PNLIPRP1: variants seen among roughly 807,000 people sequenced by gnomAD.
The protein encoded by PNLIPRP1 is inactive pancreatic lipase-related protein 1.
In PNLIPRP1, 57 loss-of-function variants were observed where a neutral mutation model predicts 54.6. The ratio of observed to expected loss-of-function variants is 1.04; its 90% CI spans 0.84 to 1.30. PNLIPRP1 has a LOEUF of 1.30. PNLIPRP1 is among the 50% of genes most tolerant of loss of function. The probability of loss-of-function intolerance (pLI) is 0.00; values close to 1 mark genes in which losing one functional copy is unlikely to be tolerated. For missense variants in PNLIPRP1, 567 were observed against 568.5 expected, an observed-to-expected ratio of 1.00 and a Z score of 0.03; for synonymous variants, 232 against 208.8, an observed-to-expected ratio of 1.11 and a Z score of -0.96.
At chr10:116,601,368 CAG>C (rs1429451009) in intron 10 of PNLIPRP1, among the ~76,000 whole-genome samples, 167 bp downstream of exon 10, 1 of 152,256 alleles carries the variant, frequency 6.6e-6, no homozygotes, top group Middle Eastern at 3.4e-3. Flanking sequence ...AGGATTTAGA[CAG>C]AGTGTGCATT....
In PNLIPRP1 at chr10:116,590,996, G is replaced by T; in HGVS notation, c.-1+1G>T. On this transcript the variant is annotated splice_donor_variant, in intron 1 of 12. Coordinates refer to ENST00000358834, the MANE Select transcript of PNLIPRP1 (RefSeq NM_006229.4). LOFTEE classifies it low-confidence loss of function (5UTR_SPLICE). ...GGGAACATCTGGAACATTAGACAGG[G>T]TAAGCCACCTTTGCAACTCCTTTCC... 1 of 660,254 alleles carries T rather than the reference G, an allele frequency of 1.5e-6. No homozygotes were observed. Among genetic ancestry groups the T allele is most frequent in the Non-Finnish European group, 2.7e-6 (1 of 367,818 alleles). 40.9% of individuals were successfully genotyped at this position (660,254 alleles called of 1,614,324 possible).
Position 116,593,776 on chromosome 10 carries a change from G to C in PNLIPRP1, c.331-954G>C, listed in dbSNP as rs184338868. ...AGTTCAAGACCAGCGTAGCCAACAT[G>C]GTGAAACCCTGTCTCTACTAAAAGT... On this transcript the variant is annotated intron_variant, in intron 4 of 12. Transcript: ENST00000358834. 2.1e-3 allele frequency: 328 copies of C among 152,688 alleles called. 2 individuals are homozygous for C. Among genetic ancestry groups the C allele is most frequent in the Admixed American group, 5.7e-3 (87 of 15,292 alleles). 9.5% of individuals were successfully genotyped at this position (152,688 alleles called of 1,614,324 possible).
At chr10:116,605,345 C>T (rs1847919013) in intron 11 of PNLIPRP1, 41 bp from the exon 12 acceptor site, 1 of 1,294,344 alleles carries the variant, frequency 7.7e-7, no homozygotes, top group Non-Finnish European at 1.1e-6. Context: ...AATTAGAACT[C>T]ATTTCCGTGA....
intron 6 of PNLIPRP1, among the ~76,000 whole-genome samples, chr10:116,597,096 T>A (rs1235562972): frequency 6.6e-6 from 1 of 152,172 alleles, no homozygotes; most frequent in Non-Finnish European, 1.5e-5. Context: ...ATAAGAAATC[T>A]CTCTTTTATT....
intron 3 of PNLIPRP1, 90 bp from the exon 4 acceptor site, chr10:116,592,326 T>C (rs2133226174): frequency 3.5e-6 from 5 of 1,429,698 alleles, no homozygotes; most frequent in East Asian, 2.3e-5. Flanking sequence ...CTTTGAAAAG[T>C]AGAGGCATTG....
chr10:116,591,646 C>T, intron 2 of PNLIPRP1, 125 bp from the exon 3 acceptor site: 1 of 930,786 alleles, frequency 1.1e-6, no homozygotes, highest in Admixed American at 2.2e-5. Flanking sequence ...GGAGGGGTTG[C>T]AGTAGGTTCA....
chr10:116,592,707 A>T lies in PNLIPRP1; in HGVS notation c.330+166A>T, dbSNP rs539295365. 1.9e-5 allele frequency: 16 copies of T among 830,660 alleles called. No individual in the cohort carries two copies. In the African/African-American group the frequency reaches 2.0e-4, roughly 10 times the overall value. 51.5% of individuals were successfully genotyped at this position (830,660 alleles called of 1,614,324 possible). A position where few individuals can be genotyped will look rare whatever the true frequency, so the allele number is the denominator to read the frequency against. On this transcript the variant is annotated intron_variant, in intron 4 of 12. Coordinates refer to ENST00000358834, the MANE Select transcript of PNLIPRP1 (RefSeq NM_006229.4). The stretch of plus-strand genomic sequence containing the variant: ...ATGCCTTTCCATGTTTCCGCACTAC[A>T]TCTGCACACTGAAGCAACCACATTT...
At chr10:116,597,968 G>T (rs1554864185) in intron 7 of PNLIPRP1, 21 bp downstream of exon 7, 1 of 1,614,198 alleles carries the variant, frequency 6.2e-7, no homozygotes, top group East Asian at 2.2e-5. Context: ...TGATGCTCCA[G>T]CTGTGAGCAC....
intron 8 of PNLIPRP1, among the ~76,000 whole-genome samples, chr10:116,599,026 G>C (rs3010497): frequency 0.42 from 63,922 of 151,988 alleles, 14,885 homozygotes; most frequent in Non-Finnish European, 0.52. Context: ...AGGCCGAGGC[G>C]GGCAAATCAC....
chr10:116,607,357 T>C (rs1847952316), intron 12 of PNLIPRP1, among the ~76,000 whole-genome samples: 1 of 152,104 alleles, frequency 6.6e-6, no homozygotes, highest in Non-Finnish European at 1.5e-5. Flanking sequence ...AGTTCAGCTG[T>C]TGAGAAAAAT....
intron 12 of PNLIPRP1, among the ~76,000 whole-genome samples, chr10:116,608,704 T>C (rs1847977458): frequency 6.6e-6 from 1 of 152,212 alleles, no homozygotes; most frequent in Non-Finnish European, 1.5e-5. Context: ...CGAGAGTGAC[T>C]GGAAGACAGC....
In PNLIPRP1 at chr10:116,591,790, G is replaced by A. The variant is rs1847642124; in HGVS notation, c.69G>A (p.Glu23=). 6.2e-7 allele frequency: 1 copy of A among 1,614,200 alleles called. No homozygotes were observed. The highest frequency in any genetic ancestry group is 8.5e-7 in the Non-Finnish European group (1 of 1,180,042). The change falls in exon 3 of 13, where the codon GAG becomes GAA. Residue 23 remains glutamate (E), a synonymous_variant. Coordinates refer to ENST00000358834, the MANE Select transcript of PNLIPRP1 (RefSeq NM_006229.4). ...GAAKGKEVCY[E]DLGCFSDTEP... Reference sequence around the variant, plus strand: ...CTGTAGGAAAAGAAGTTTGCTATGAGGACCTCGGGTGCTTTTCTGACACTG... The same window carrying A: ...CTGTAGGAAAAGAAGTTTGCTATGAAGACCTCGGGTGCTTTTCTGACACTG...
Position 116,597,754 on chromosome 10 carries a change from G to A in PNLIPRP1, c.575-74G>A, listed in dbSNP as rs148529595. 2.6e-5 allele frequency: 41 copies of A among 1,574,578 alleles called. No homozygotes were observed. In the Middle Eastern group the frequency reaches 1.2e-3, roughly 47 times the overall value. The stretch of plus-strand genomic sequence containing the variant: ...TTGAGTTGGGCAGTGCATAGCCCGG[G>A]CAGCTGTACACCTTGGTGCTGCTGA... On this transcript the variant is annotated intron_variant, in intron 6 of 12. Transcript: ENST00000358834.
Position 116,594,842 on chromosome 10 carries a change from C to T in PNLIPRP1, c.443C>T (p.Ala148Val). 3.1e-6 allele frequency: 5 copies of T among 1,613,998 alleles called. No homozygotes were observed. The highest frequency in any genetic ancestry group is 1.3e-5 in the African/African-American group (1 of 75,036). Residue 148 changes from alanine to valine, a missense_variant, in exon 5 of 13, where the codon GCC becomes GTC. By Grantham distance (64) the Ala-to-Val change is moderately conservative (BLOSUM62 0). Transcript: ENST00000358834. ...GTGCGAGTGGTGGGCGCCCAGGTGGCCCAGATGCTCGACATCCTCTTGGTG... is the reference window on the plus strand; with the variant it reads ...GTGCGAGTGGTGGGCGCCCAGGTGGTCCAGATGCTCGACATCCTCTTGGTG... ...NNVRVVGAQV[A>V]QMLDILLTEY...
Position 116,600,529 on chromosome 10 carries a change from T to C in PNLIPRP1, c.933+364T>C, listed in dbSNP as rs118111181. The C allele has an allele frequency of 4.4e-4, 90 of 205,252 alleles. No homozygotes were observed. In the East Asian group the frequency reaches 7.9e-3, roughly 18 times the overall value. The allele number at this position is 205,252 out of a possible 1,614,324, so 12.7% of individuals were successfully genotyped here. On this transcript the variant is annotated intron_variant, in intron 9 of 12. Transcript: ENST00000358834. ...GGCAGAGCGAGAGTAGAAGAATGTA[T>C]AGAGAATAATTCACACCAGAGAGAA...
intron 12 of PNLIPRP1, 58 bp downstream of exon 12, chr10:116,605,611 A>G: frequency 1.2e-5 from 16 of 1,295,906 alleles, no homozygotes; most frequent in Non-Finnish European, 1.7e-5. Context: ...TGTTATAATG[A>G]AAACCCACCC....
intron 11 of PNLIPRP1, among the ~76,000 whole-genome samples, chr10:116,604,984 T>C (rs1554865384): frequency 6.6e-6 from 1 of 152,098 alleles, no homozygotes; most frequent in East Asian, 1.9e-4. Context: ...TGAGCCACCA[T>C]GCCCGGCCTC....
rs1554864241 is a variant in PNLIPRP1 at position 116,598,163 on chromosome 10, G to A, written c.811G>A (p.Ala271Thr). ...GATCGTGGATCTAGATGGCATCTGG[G>A]CGGGTAAAGTCATGGTGGGGTGAGG... Reference protein sequence around the residue: ...SQIVDLDGIWAGTRDFVACNH... With the variant: ...SQIVDLDGIWTGTRDFVACNH... The change falls in exon 8 of 13, where the codon GCG becomes ACG. Residue 271 changes from alanine (A) to threonine (T), a missense_variant. By Grantham distance (58) the Ala-to-Thr change is moderately conservative (BLOSUM62 0). Transcript: ENST00000358834. The A allele has an allele frequency of 6.2e-7, 1 of 1,613,200 alleles. No homozygotes were observed. Among genetic ancestry groups the A allele is most frequent in the Non-Finnish European group, 8.5e-7 (1 of 1,179,718 alleles).
intron 10 of PNLIPRP1, among the ~76,000 whole-genome samples, chr10:116,601,483 T>C (rs1463756645): frequency 1.3e-5 from 2 of 152,194 alleles, no homozygotes; most frequent in Non-Finnish European, 2.9e-5. Context: ...CCCTGAATTT[T>C]TACCACTCCA....
Sources: gnomAD v4.1 joint callset for allele counts (sites outside exome capture counted in the v4.1 genomes callset) on GRCh38, gnomAD v4.1.1 for gene constraint, MANE v1.5 for transcripts, NCBI Gene and HGNC (gene_info 2026-07-23, HGNC 2026-07-21) for gene names.